Variants in RCAN2 observed in about 807,000 individuals in gnomAD.
The protein encoded by RCAN2 is calcipressin-2.
Under a neutral mutation model 23.6 loss-of-function variants are expected in RCAN2, and 9 were observed. The observed-to-expected ratio is 0.38, with a 90% CI of 0.23 to 0.67. The LOEUF is 0.67. Among genes scored for constraint, RCAN2 ranks in the 30% least tolerant of loss-of-function variants. The pLI is 0.51. For synonymous variants in RCAN2, 109 were observed against 115.7 expected, an observed-to-expected ratio of 0.94 and a Z score of 0.37; for missense variants, 273 against 302.3, an observed-to-expected ratio of 0.90 and a Z score of 0.72.
At chr6:46,249,561 C>T (rs1020354828) in intron 2 of RCAN2, among the ~76,000 whole-genome samples, 1 of 151,990 alleles carries the variant, frequency 6.6e-6, no homozygotes, top group Admixed American at 6.6e-5. Context: ...CTCAAGTGAT[C>T]CACCTGTCTC....
intron 4 of RCAN2, among the ~76,000 whole-genome samples, chr6:46,234,618 T>C (rs1172773830): frequency 6.6e-6 from 1 of 152,226 alleles, no homozygotes; most frequent in Non-Finnish European, 1.5e-5. Flanking sequence ...TCCTCTCCTT[T>C]GTGTGCAGAA....
At chr6:46,458,091 A>C (rs1768098314) in intron 1 of RCAN2, among the ~76,000 whole-genome samples, 1 of 152,210 alleles carries the variant, frequency 6.6e-6, no homozygotes, top group African/African-American at 2.4e-5. Context: ...AGACTGACTG[A>C]AAATTATGAC....
At chr6:46,289,409 T>C (rs1431374975) in intron 2 of RCAN2, among the ~76,000 whole-genome samples, 2 of 152,262 alleles carry the variant, frequency 1.3e-5, no homozygotes, top group Non-Finnish European at 1.5e-5. Context: ...GTCCTTTTTA[T>C]ACTGTAGACC....
At chr6:46,459,503 T>C (rs1406307850) in intron 1 of RCAN2, among the ~76,000 whole-genome samples, 1 of 152,226 alleles carries the variant, frequency 6.6e-6, no homozygotes, top group Non-Finnish European at 1.5e-5. Flanking sequence ...ATTATCTTCA[T>C]GAGATTTTAT....
chr6:46,415,858 A>G (rs1056120213), intron 2 of RCAN2, among the ~76,000 whole-genome samples: 3 of 152,210 alleles, frequency 2.0e-5, no homozygotes, highest in African/African-American at 7.2e-5. Context: ...AGGATCTCCT[A>G]TGAATACTAA....
intron 4 of RCAN2, among the ~76,000 whole-genome samples, chr6:46,231,076 A>G (rs1765868737): frequency 6.6e-6 from 1 of 152,204 alleles, no homozygotes; most frequent in Non-Finnish European, 1.5e-5. Flanking sequence ...ACTAACCTCT[A>G]GTAGCTGTGA....
intron 2 of RCAN2, among the ~76,000 whole-genome samples, chr6:46,310,386 A>C (rs1365183090): frequency 6.6e-6 from 1 of 152,310 alleles, no homozygotes; most frequent in East Asian, 1.9e-4. Context: ...ACAAGAAAGA[A>C]TCTGAAGCTG....
Position 46,292,426 on chromosome 6 carries a change from G to GT in RCAN2, c.226-43531dup, listed in dbSNP as rs1302472017. ...CCATATTCTTGGGAGTTGATTTGTT[G>GT]TTTTTTTTTTTGTTTTTTTTTTTGG... On this transcript the variant is annotated intron_variant, in intron 2 of 4. Coordinates refer to ENST00000371374, the MANE Select transcript of RCAN2 (RefSeq NM_001251974.2). Among the ~76,000 whole-genome samples, 37 of 22,066 alleles carry GT rather than the reference G, an allele frequency of 1.7e-3. No individual in the cohort carries two copies. In the East Asian group the frequency reaches 0.02, roughly 12 times the overall value. The allele number at this position is 22,066 out of a possible 152,430, so 14.5% of individuals were successfully genotyped here. A position where few individuals can be genotyped will look rare whatever the true frequency, so the allele number is the denominator to read the frequency against.
intron 1 of RCAN2, among the ~76,000 whole-genome samples, chr6:46,483,424 G>C (rs1472069087): frequency 6.6e-6 from 1 of 152,108 alleles, no homozygotes; most frequent in Non-Finnish European, 1.5e-5. Context: ...ATTACAAACA[G>C]AATGGGAAGG....
chr6:46,229,387 C>T (rs1447604270), intron 4 of RCAN2, among the ~76,000 whole-genome samples: 1 of 152,146 alleles, frequency 6.6e-6, no homozygotes, highest in Non-Finnish European at 1.5e-5. Flanking sequence ...TTCCATTCTC[C>T]CCGTCACTTT....
Position 46,363,746 on chromosome 6 carries a change from T to G in RCAN2, c.225+93006A>C, listed in dbSNP as rs145587291. Among the ~76,000 whole-genome samples, 194 of 152,258 alleles carry G rather than the reference T, an allele frequency of 1.3e-3. 1 individual carries two copies. Among genetic ancestry groups the G allele is most frequent in the African/African-American group, 4.2e-3 (173 of 41,560 alleles). ...ATCATTTAGTTTATAGAGGTATAACTATAAAGTATGACTGAAAGGTGATAA... is the reference window on the plus strand; with the variant it reads ...ATCATTTAGTTTATAGAGGTATAACGATAAAGTATGACTGAAAGGTGATAA... On this transcript the variant is annotated intron_variant, in intron 2 of 4. Transcript: ENST00000371374.
intron 2 of RCAN2, among the ~76,000 whole-genome samples, chr6:46,311,376 C>A (rs1432203580): frequency 6.6e-6 from 1 of 152,196 alleles, no homozygotes. Flanking sequence ...GCAACTCACG[C>A]CCCAACCAAT....
chr6:46,305,216 G>A (rs957410159), intron 2 of RCAN2, among the ~76,000 whole-genome samples: 21 of 152,226 alleles, frequency 1.4e-4, no homozygotes, highest in African/African-American at 5.1e-4. Context: ...AATGCATGGA[G>A]TTAACAATCT....
In RCAN2 at chr6:46,481,677, G is replaced by A. The variant is rs538189696; in HGVS notation, c.-3+9496C>T. On this transcript the variant is annotated intron_variant, in intron 1 of 4. Coordinates refer to ENST00000371374, the MANE Select transcript of RCAN2 (RefSeq NM_001251974.2). ...TTATTTATTAGAATAGGAAGCTGAA[G>A]AAGTAATATCTGGTCTCTGGCAGCT... is the stretch of plus-strand genomic sequence containing the variant. Among the ~76,000 whole-genome samples, 5 of 152,238 alleles carry A rather than the reference G, an allele frequency of 3.3e-5. No homozygotes were observed. In the East Asian group the frequency reaches 9.7e-4, roughly 29 times the overall value.
intron 1 of RCAN2, among the ~76,000 whole-genome samples, chr6:46,476,239 T>C (rs1452106694): frequency 6.6e-6 from 1 of 152,170 alleles, no homozygotes; most frequent in Non-Finnish European, 1.5e-5. Flanking sequence ...GAAGACCCCC[T>C]GAATCTTGAT....
intron 2 of RCAN2, among the ~76,000 whole-genome samples, chr6:46,418,159 T>A (rs2150410881): frequency 6.6e-6 from 1 of 152,292 alleles, no homozygotes; most frequent in South Asian, 2.1e-4. Context: ...TAACAAAATA[T>A]CTTATACTTT....
intron 2 of RCAN2, among the ~76,000 whole-genome samples, chr6:46,294,466 G>T (rs541018615): frequency 6.6e-6 from 1 of 152,116 alleles, no homozygotes; most frequent in African/African-American, 2.4e-5. Context: ...TCTAGTAATT[G>T]ATCTCAAGGA....
intron 2 of RCAN2, among the ~76,000 whole-genome samples, chr6:46,363,452 AAAG>A (rs2150384784): frequency 6.6e-6 from 1 of 152,326 alleles, no homozygotes; most frequent in African/African-American, 2.4e-5. Flanking sequence ...TCTTACAAAA[AAAG>A]AGAAAAGCTA....
chr6:46,426,542 T>C (rs373660653), intron 2 of RCAN2, among the ~76,000 whole-genome samples: 10 of 152,294 alleles, frequency 6.6e-5, no homozygotes, highest in Admixed American at 6.5e-5. Flanking sequence ...CTGTATTCCA[T>C]AGATATTTTT....
Sources: allele counts gnomAD v4.1 joint callset (sites outside exome capture counted in the v4.1 genomes callset), GRCh38; gene constraint gnomAD v4.1.1; transcripts MANE v1.5; gene names NCBI Gene and HGNC (gene_info 2026-07-23, HGNC 2026-07-21).